HPGDS: variants seen among roughly 807,000 people sequenced by gnomAD.
HPGDS encodes the protein hematopoietic prostaglandin D synthase.
In HPGDS, 26 loss-of-function variants were observed where a neutral mutation model predicts 23.1. That is an observed-to-expected ratio of 1.13 (90% CI 0.83 to 1.56). The LOEUF (loss-of-function observed/expected upper bound fraction) is 1.56, where lower values mean the gene tolerates loss of function less well. HPGDS is among the 40% of genes most tolerant of loss of function. HPGDS has a pLI of 0.00. For synonymous variants in HPGDS, 95 were observed against 77.9 expected, an observed-to-expected ratio of 1.22 and a Z score of -1.16; for missense variants, 268 against 236.4, an observed-to-expected ratio of 1.13 and a Z score of -0.88.
At chr4:94,302,832 A>G (rs1160718098) in intron 4 of HPGDS, among the ~76,000 whole-genome samples, 2 of 152,068 alleles carry the variant, frequency 1.3e-5, no homozygotes, top group Non-Finnish European at 2.9e-5. Context: ...CTCTTGATAT[A>G]TAAACAAATA....
intron 2 of HPGDS, among the ~76,000 whole-genome samples, chr4:94,330,791 T>A (rs1008238133): frequency 3.3e-5 from 5 of 152,206 alleles, no homozygotes; most frequent in Non-Finnish European, 5.9e-5. Context: ...AGTTTTAATT[T>A]TCAAGAACTG....
At chr4:94,322,107 A>T (rs1298083588) in intron 2 of HPGDS, among the ~76,000 whole-genome samples, 3 of 152,182 alleles carry the variant, frequency 2.0e-5, no homozygotes, top group African/African-American at 7.2e-5. Flanking sequence ...CATCCCAGGA[A>T]TGAAGCCAGC....
At chr4:94,308,056 G>A (rs1756172145) in intron 4 of HPGDS, among the ~76,000 whole-genome samples, 1 of 152,074 alleles carries the variant, frequency 6.6e-6, no homozygotes, top group Non-Finnish European at 1.5e-5. Context: ...TGGAATGTTT[G>A]CATATACATA....
intron 2 of HPGDS, among the ~76,000 whole-genome samples, chr4:94,331,999 T>G (rs1184706022): frequency 6.6e-6 from 1 of 152,098 alleles, no homozygotes; most frequent in Non-Finnish European, 1.5e-5. Flanking sequence ...AATAATGCTT[T>G]TTTACCAATT....
chr4:94,311,675 C>T (rs1322763163), intron 3 of HPGDS, among the ~76,000 whole-genome samples: 1 of 151,414 alleles, frequency 6.6e-6, no homozygotes, highest in Non-Finnish European at 1.5e-5. Flanking sequence ...GGAGGATTCC[C>T]TCTTTTTCTA....
At chr4:94,324,552 G>A (rs1430588975) in intron 2 of HPGDS, among the ~76,000 whole-genome samples, 2 of 151,948 alleles carry the variant, frequency 1.3e-5, no homozygotes, top group Non-Finnish European at 2.9e-5. Flanking sequence ...GATCAAATCG[G>A]CTACTGAAGC....
At chr4:94,340,845 CTTTCTTTT>C (rs1423424788) in intron 1 of HPGDS, among the ~76,000 whole-genome samples, 2 of 97,116 alleles carry the variant, frequency 2.1e-5, no homozygotes, top group Non-Finnish European at 4.0e-5. Context: ...TTTTTTTTTT[CTTTCTTTT>C]TTTTTTTTTG....
chr4:94,301,944 G>A (rs545312297), intron 5 of HPGDS, among the ~76,000 whole-genome samples: 2 of 151,836 alleles, frequency 1.3e-5, no homozygotes, highest in African/African-American at 4.8e-5. Context: ...TTAAGTTTTC[G>A]CTGCCAATAT....
At position 94,340,311 on chromosome 4, in the gene HPGDS, C is replaced by CTT. The variant is rs869240610; in HGVS notation, c.-10+2482_-10+2483dup. Among the ~76,000 whole-genome samples, 72 of 23,680 alleles carry CTT rather than the reference C, an allele frequency of 3.0e-3. 1 individual carries two copies. The highest frequency in any genetic ancestry group is 9.2e-3 in the African/African-American group (63 of 6,860). The allele number at this position is 23,680 out of a possible 152,430, so 15.5% of individuals were successfully genotyped here. On this transcript the variant is annotated intron_variant, in intron 1 of 5. Transcript: ENST00000295256. ...TTTCTTTCTTTCTTTCTTTCTTTCTCTTTTTTTTTTTTTTTTTTTTTTTTT... is the reference window on the plus strand; with the variant it reads ...TTTCTTTCTTTCTTTCTTTCTTTCTCTTTTTTTTTTTTTTTTTTTTTTTTTTT...
chr4:94,302,945 CA>C (rs1756072713), intron 4 of HPGDS, among the ~76,000 whole-genome samples: 2 of 152,048 alleles, frequency 1.3e-5, no homozygotes, highest in South Asian at 4.1e-4. Context: ...ATAATTTACT[CA>C]AGGCCTCTTT....
rs1560589399 is a variant in HPGDS at position 94,317,919 on chromosome 4, A to T, written c.180T>A (p.Thr60=). 1 of 1,612,472 alleles carries T rather than the reference A, an allele frequency of 6.2e-7. No homozygotes were observed. Among genetic ancestry groups the T allele is most frequent in the Non-Finnish European group, 8.5e-7 (1 of 1,179,172 alleles). ...TTGCTATTGCTAGGCTCTGGTGAAGAGTAAGTCCATCAACTTCCAAAATGG... is the reference window on the plus strand; with the variant it reads ...TTGCTATTGCTAGGCTCTGGTGAAGTGTAAGTCCATCAACTTCCAAAATGG... The part of the protein sequence containing the change: ...KIPILEVDGL[T]LHQSLAIARY... Residue 60 remains threonine, a synonymous_variant, in exon 3 of 6, where the codon ACT becomes ACA. Coordinates refer to ENST00000295256, the MANE Select transcript of HPGDS (RefSeq NM_014485.3).
At position 94,308,680 on chromosome 4, in the gene HPGDS, T is replaced by C. The variant is rs757605011; in HGVS notation, c.290A>G (p.Asp97Gly). ...TGCCCAAGGAAAACATGACATGAAA[T>C]CATCCAGAGTGTCCACAATAGCATC... ...HVDAIVDTLD[D>G]FMSCFPWAEK... Residue 97 changes from aspartate (D) to glycine (G), a missense_variant, in exon 4 of 6, where the codon GAT becomes GGT. Transcript: ENST00000295256. The C allele has an allele frequency of 1.2e-5, 19 of 1,609,688 alleles. No individual in the cohort carries two copies. The highest frequency in any genetic ancestry group is 1.5e-5 in the Non-Finnish European group (18 of 1,177,138).
chr4:94,340,320 T>TCTTTCTTTC (rs1560598078), intron 1 of HPGDS, among the ~76,000 whole-genome samples: 9 of 15,028 alleles, frequency 6.0e-4, no homozygotes, highest in Admixed American at 1.5e-3. Flanking sequence ...TCTTTTTTTT[T>TCTTTCTTTC]TTTTTTTTTT....
At chr4:94,342,067 G>A (rs1357864980) in intron 1 of HPGDS, among the ~76,000 whole-genome samples, 1 of 152,004 alleles carries the variant, frequency 6.6e-6, no homozygotes, top group African/African-American at 2.4e-5. Context: ...AAGAATTGTT[G>A]TTGACTGAGT....
chr4:94,308,437 G>T (rs1268601844), intron 4 of HPGDS, among the ~76,000 whole-genome samples, 197 bp downstream of exon 4: 5 of 152,098 alleles, frequency 3.3e-5, no homozygotes, highest in African/African-American at 9.7e-5. Context: ...TTTTAAAAGG[G>T]TTGCATCTGG....
chr4:94,329,630 A>G (rs980073684), intron 2 of HPGDS, among the ~76,000 whole-genome samples: 1 of 152,190 alleles, frequency 6.6e-6, no homozygotes, highest in Non-Finnish European at 1.5e-5. Context: ...GCAGATGAAG[A>G]ATAATTTTGT....
chr4:94,304,179 C>A (rs997008411), intron 4 of HPGDS, among the ~76,000 whole-genome samples: 5 of 151,880 alleles, frequency 3.3e-5, no homozygotes, highest in African/African-American at 1.2e-4. Flanking sequence ...TAACAAATGA[C>A]TTTTAGAGAG....
rs1756186545 is a variant in HPGDS, at chr4:94,308,658, C to T, written c.312G>A (p.Trp104Ter). ...CTTTCACATCTTGCTTTTTCTCTGC[C>T]CAAGGAAAACATGACATGAAATCAT... is the stretch of plus-strand genomic sequence containing the variant. ...TLDDFMSCFPWAEKKQDVKEQ... is the reference protein window; with the variant it reads ...TLDDFMSCFP Residue 104 changes from tryptophan (W) to a stop codon, truncating the protein, a stop_gained, in exon 4 of 6, where the codon TGG becomes TGA. Transcript: ENST00000295256. LOFTEE classifies it high-confidence loss of function. The T allele has an allele frequency of 6.2e-7, 1 of 1,600,204 alleles. No individual in the cohort carries two copies. Among genetic ancestry groups the T allele is most frequent in the Non-Finnish European group, 8.5e-7 (1 of 1,169,598 alleles).
chr4:94,311,636 G>A (rs1019248317), intron 3 of HPGDS, among the ~76,000 whole-genome samples: 1 of 151,356 alleles, frequency 6.6e-6, no homozygotes, highest in African/African-American at 2.5e-5. Flanking sequence ...TTGGTATCAG[G>A]ATGATGCTGG....
Sources: allele counts gnomAD v4.1 joint callset (sites outside exome capture counted in the v4.1 genomes callset), GRCh38; gene constraint gnomAD v4.1.1; transcripts MANE v1.5; gene names NCBI Gene and HGNC (gene_info 2026-07-23, HGNC 2026-07-21).